The following CCDC81 variants were observed in gnomAD, a reference collection of about 807,000 sequenced individuals.
The protein encoded by CCDC81 is coiled-coil domain-containing protein 81.
Under a neutral mutation model 83.7 loss-of-function variants are expected in CCDC81, and 79 were observed. That is an observed-to-expected ratio of 0.94 (90% CI 0.79 to 1.14). CCDC81 has a LOEUF of 1.14. Ranked by LOEUF, CCDC81 falls within the 50% of genes most tolerant of loss-of-function variation. The probability of loss-of-function intolerance (pLI) is 0.00; values close to 1 mark genes in which losing one functional copy is unlikely to be tolerated. For synonymous variants in CCDC81, 252 were observed against 278.1 expected, an observed-to-expected ratio of 0.91 and a Z score of 0.93; for missense variants, 791 against 778.1, an observed-to-expected ratio of 1.02 and a Z score of -0.20.
chr11:86,408,983 A>C (rs953908390), intron 9 of CCDC81, among the ~76,000 whole-genome samples: 8 of 152,058 alleles, frequency 5.3e-5, no homozygotes, highest in Non-Finnish European at 1.2e-4. Flanking sequence ...CTAATAATTG[A>C]CCCTGCTGCC....
intron 4 of CCDC81, among the ~76,000 whole-genome samples, chr11:86,393,205 G>A (rs953759171): frequency 3.3e-5 from 5 of 152,114 alleles, no homozygotes; most frequent in African/African-American, 9.7e-5. Flanking sequence ...TGGAATTACA[G>A]GTGCGCGCCA....
intron 6 of CCDC81, among the ~76,000 whole-genome samples, chr11:86,399,694 G>A (rs1256574952): frequency 6.6e-6 from 1 of 151,308 alleles, no homozygotes; most frequent in Non-Finnish European, 1.5e-5. Context: ...AGCCTGAATT[G>A]TCCTTCCTTT....
At chr11:86,376,188 C>T (rs996225698) in intron 1 of CCDC81, among the ~76,000 whole-genome samples, 1 of 152,086 alleles carries the variant, frequency 6.6e-6, no homozygotes, top group African/African-American at 2.4e-5. Flanking sequence ...AATAATCACA[C>T]AAATCAATGC....
chr11:86,375,197 C>T lies in CCDC81; in HGVS notation c.34C>T (p.Leu12=). The T allele has an allele frequency of 6.2e-7, 1 of 1,613,244 alleles. No homozygotes were observed. Among genetic ancestry groups the T allele is most frequent in the Non-Finnish European group, 8.5e-7 (1 of 1,179,936 alleles). Residue 12 remains leucine, a synonymous_variant, in exon 1 of 15, where the codon CTG becomes TTG. Coordinates refer to ENST00000445632, the MANE Select transcript of CCDC81 (RefSeq NM_001156474.2). ...TACGATCGCCCGTGCCCTGCAGGAC[C>T]TGGGCAGGCAGGTGCTGCCCACTCT... The part of the protein sequence containing the change: ...LDTIARALQD[L]GRQVLPTLPS...
chr11:86,402,166 A>G lies in CCDC81; in HGVS notation c.881+1365A>G, dbSNP rs550798445. Among the ~76,000 whole-genome samples, 40 of 151,454 alleles carry G rather than the reference A, an allele frequency of 2.6e-4. No individual in the cohort carries two copies. The South Asian group carries it at 7.5e-3, about 28-fold the overall frequency. On this transcript the variant is annotated intron_variant, in intron 7 of 14. Coordinates refer to ENST00000445632, the MANE Select transcript of CCDC81 (RefSeq NM_001156474.2). ...AAAAAAAAAAAAAGAAGTTAACCAAAAAATGTTTTTTTGTGCTGATTACTA... is the reference window on the plus strand; with the variant it reads ...AAAAAAAAAAAAAGAAGTTAACCAAGAAATGTTTTTTTGTGCTGATTACTA...
chr11:86,422,460 A>C, intron 14 of CCDC81, 114 bp from the exon 15 acceptor site: 4 of 867,994 alleles, frequency 4.6e-6, no homozygotes, highest in Non-Finnish European at 7.2e-6. Flanking sequence ...GCATACAGGC[A>C]GAGAACGCAA....
chr11:86,420,780 AC>A (rs1299541004), intron 14 of CCDC81, among the ~76,000 whole-genome samples: 4 of 152,198 alleles, frequency 2.6e-5, no homozygotes, highest in Non-Finnish European at 5.9e-5. Flanking sequence ...AGCATTTCTC[AC>A]CTGTCTTTCT....
intron 10 of CCDC81, among the ~76,000 whole-genome samples, chr11:86,411,505 G>A (rs367841311): frequency 6.6e-6 from 1 of 152,172 alleles, no homozygotes; most frequent in African/African-American, 2.4e-5. Context: ...CAGCATGCAG[G>A]CTTGATGAGT....
chr11:86,414,784 G>A lies in CCDC81; in HGVS notation c.1392-5G>A. The A allele has an allele frequency of 1.2e-6, 2 of 1,604,110 alleles. No homozygotes were observed. Among genetic ancestry groups the A allele is most frequent in the Non-Finnish European group, 1.7e-6 (2 of 1,176,638 alleles). ...GGTCCATCTTCTCTTGTTCTTAACT[G>A]CCAGACTTGCTGCGCAAAGAGCGAA... On this transcript the variant is annotated splice_region_variant and splice_polypyrimidine_tract_variant and intron_variant, in intron 11 of 14. Coordinates refer to ENST00000445632, the MANE Select transcript of CCDC81 (RefSeq NM_001156474.2).
chr11:86,377,965 G>GTTTTTTT (rs368831070), intron 1 of CCDC81, among the ~76,000 whole-genome samples: 116 of 14,554 alleles, frequency 8.0e-3, no homozygotes, highest in South Asian at 0.018. Flanking sequence ...CTGTGCCTAG[G>GTTTTTTT]TTCTTTTTTT....
Position 86,403,042 on chromosome 11 carries a change from T to TG in CCDC81, c.881+2245dup, listed in dbSNP as rs1328634619. Reference sequence around the variant, plus strand: ...TTTTTTTTTTTTTTTTTTGTAGAGATGGGGTCTTAGTATGTTGTGTAGGCT... The same window carrying TG: ...TTTTTTTTTTTTTTTTTTGTAGAGATGGGGGTCTTAGTATGTTGTGTAGGCT... On this transcript the variant is annotated intron_variant, in intron 7 of 14. Transcript: ENST00000445632. Among the ~76,000 whole-genome samples, 1,020 of 131,698 alleles carry TG rather than the reference T, an allele frequency of 7.7e-3. 15 individuals are homozygous for TG. Among genetic ancestry groups the TG allele is most frequent in the African/African-American group, 0.028 (983 of 35,004 alleles). The allele number at this position is 131,698 out of a possible 152,430, so 86.4% of individuals were successfully genotyped here.
intron 9 of CCDC81, 23 bp from the exon 10 acceptor site, chr11:86,409,238 C>CT (rs57270595): frequency 0.076 from 67,517 of 885,118 alleles, 85 homozygotes; most frequent in Non-Finnish European, 0.083. Flanking sequence ...TAAAAATAAA[C>CT]TTTTTTTTTT....
intron 1 of CCDC81, among the ~76,000 whole-genome samples, chr11:86,376,027 T>G (rs149645520): frequency 1.3e-5 from 2 of 152,356 alleles, no homozygotes; most frequent in Non-Finnish European, 2.9e-5. Flanking sequence ...GATAATGGCT[T>G]AATGAATTTA....
chr11:86,395,485 T>C (rs1241963852), intron 5 of CCDC81, 72 bp downstream of exon 5: 23 of 1,125,666 alleles, frequency 2.0e-5, no homozygotes, highest in Non-Finnish European at 2.6e-5. Context: ...CATTGGGCAG[T>C]GTTTCTCAAT....
intron 7 of CCDC81, among the ~76,000 whole-genome samples, chr11:86,404,055 C>G (rs1033522057): frequency 6.6e-6 from 1 of 152,216 alleles, no homozygotes; most frequent in African/African-American, 2.4e-5. Flanking sequence ...AAAATTTTCA[C>G]TCCGAGTTAG....
At chr11:86,389,829 G>T (rs1216189020) in intron 3 of CCDC81, among the ~76,000 whole-genome samples, 2 of 152,142 alleles carry the variant, frequency 1.3e-5, no homozygotes, top group African/African-American at 4.8e-5. Context: ...AAATGGGTTG[G>T]GTACGATGGC....
At chr11:86,379,827 C>CA (rs1948152560) in intron 1 of CCDC81, among the ~76,000 whole-genome samples, 2 of 151,766 alleles carry the variant, frequency 1.3e-5, no homozygotes, top group Admixed American at 1.3e-4. Context: ...AAATTAAAAC[C>CA]AAAAAAATTA....
intron 5 of CCDC81, among the ~76,000 whole-genome samples, chr11:86,395,621 T>G (rs1346972887): frequency 6.6e-6 from 1 of 152,200 alleles, no homozygotes; most frequent in African/African-American, 2.4e-5. Flanking sequence ...CATTTATTCT[T>G]TTTTATCCCC....
intron 3 of CCDC81, among the ~76,000 whole-genome samples, chr11:86,387,904 A>G (rs764862954): frequency 1.4e-4 from 21 of 152,204 alleles, no homozygotes; most frequent in Non-Finnish European, 2.1e-4. Context: ...AACCTGATGT[A>G]ACGTAAAGGA....
Sources: gnomAD v4.1 joint callset for allele counts (sites outside exome capture counted in the v4.1 genomes callset) on GRCh38, gnomAD v4.1.1 for gene constraint, MANE v1.5 for transcripts, NCBI Gene and HGNC (gene_info 2026-07-23, HGNC 2026-07-21) for gene names.